The following STK3 variants were observed in gnomAD, a reference collection of about 807,000 sequenced individuals.
The protein encoded by STK3 is serine/threonine kinase 3.
STK3 carries 41 observed loss-of-function variants against 58.0 expected under a neutral mutation model. The ratio of observed to expected loss-of-function variants is 0.71; its 90% confidence interval spans 0.55 to 0.92. The LOEUF (loss-of-function observed/expected upper bound fraction) is 0.92. Among genes scored for constraint, STK3 ranks in the 40% least tolerant of loss-of-function variants. STK3 has a pLI of 0.00. For missense variants in STK3, 479 were observed against 602.7 expected, an observed-to-expected ratio of 0.79 and a Z score of 2.15; for synonymous variants, 170 against 191.0, an observed-to-expected ratio of 0.89 and a Z score of 0.91.
At chr8:98,426,303 C>T (rs1325650751) in intron 3 of STK3, among the ~76,000 whole-genome samples, 1 of 152,222 alleles carries the variant, frequency 6.6e-6, no homozygotes, top group Non-Finnish European at 1.5e-5. Flanking sequence ...TGTGCCGACG[C>T]ATCTTCCCAT....
At chr8:98,532,829 A>T (rs774670328) in intron 9 of STK3, among the ~76,000 whole-genome samples, 1 of 152,176 alleles carries the variant, frequency 6.6e-6, no homozygotes, top group Non-Finnish European at 1.5e-5. Flanking sequence ...CTTGTACCCA[A>T]TGAACAACTT....
chr8:98,920,304 A>T (rs1231163975), intron 1 of STK3, among the ~76,000 whole-genome samples: 1 of 152,168 alleles, frequency 6.6e-6, no homozygotes, highest in Non-Finnish European at 1.5e-5. Context: ...TCATGTGTAG[A>T]TAGATTTCTC....
At chr8:98,785,062 G>A (rs1832370730) in intron 1 of STK3, among the ~76,000 whole-genome samples, 1 of 152,250 alleles carries the variant, frequency 6.6e-6, no homozygotes, top group South Asian at 2.1e-4. Context: ...GTGCAGCAAG[G>A]CCCTTCCACT....
At chr8:98,387,851 C>G (rs1187557124) in intron 1 of STK3, among the ~76,000 whole-genome samples, 1 of 151,030 alleles carries the variant, frequency 6.6e-6, no homozygotes, top group Non-Finnish European at 1.5e-5. Flanking sequence ...GAAAAAGAAA[C>G]CAGAGCTCTT....
At chr8:98,737,254 T>C (rs1373300876) in intron 4 of STK3, among the ~76,000 whole-genome samples, 1 of 152,176 alleles carries the variant, frequency 6.6e-6, no homozygotes, top group Admixed American at 6.5e-5. Flanking sequence ...TCAAGGGCTC[T>C]ACCTGACATA....
rs1045136966 is a variant in STK3 at position 98,743,109 on chromosome 8, T to A, written c.351+6167A>T. Among the ~76,000 whole-genome samples, 3 of 152,124 alleles carry A rather than the reference T, an allele frequency of 2.0e-5. No individual in the cohort carries two copies. In the South Asian group the frequency reaches 6.2e-4, roughly 32 times the overall value. On this transcript the variant is annotated intron_variant, in intron 4 of 10. Transcript: ENST00000419617. ...TACAAAGAAATGGAAGAACATTCCA[T>A]GCTCATGGGTAGGAAGAATCAATAT...
chr8:98,615,038 C>G (rs1563806026), intron 6 of STK3, among the ~76,000 whole-genome samples: 1 of 152,070 alleles, frequency 6.6e-6, no homozygotes, highest in Non-Finnish European at 1.5e-5. Context: ...ACAGCAGTAA[C>G]CTCTGCAGAC....
At chr8:98,421,964 C>T (rs189213173) in intron 3 of STK3, among the ~76,000 whole-genome samples, 6 of 152,184 alleles carry the variant, frequency 3.9e-5, no homozygotes. Flanking sequence ...CAGGTGTGGG[C>T]CCTGTGCAGG....
At chr8:98,461,136 T>G (rs1819938320) in intron 10 of STK3, among the ~76,000 whole-genome samples, 1 of 152,192 alleles carries the variant, frequency 6.6e-6, no homozygotes, top group South Asian at 2.1e-4. Flanking sequence ...TTCTTAGATT[T>G]AAGAGTAATT....
At chr8:98,614,726 C>T (rs1316888427) in intron 6 of STK3, among the ~76,000 whole-genome samples, 1 of 152,244 alleles carries the variant, frequency 6.6e-6, no homozygotes, top group African/African-American at 2.4e-5. Flanking sequence ...GGGTCACTCT[C>T]ACCCGAATAC....
intron 1 of STK3, among the ~76,000 whole-genome samples, chr8:98,446,622 G>A (rs1215377554): frequency 6.6e-6 from 1 of 152,186 alleles, no homozygotes; most frequent in Non-Finnish European, 1.5e-5. Context: ...ATGCTGGTGA[G>A]GTTGCGGAGA....
rs1477019079 is a variant in STK3 at position 98,769,571 on chromosome 8, C to A, written c.108-2200G>T. On this transcript the variant is annotated intron_variant, in intron 2 of 10. Transcript: ENST00000419617. ...TTGCCCAGTCCCAGGTATGTCTTTA[C>A]CAACAGTGTGAAAACAGACTAATAC... Among the ~76,000 whole-genome samples the A allele has an allele frequency of 2.0e-5, 3 of 152,180 alleles. No homozygotes were observed. In the East Asian group the frequency reaches 5.8e-4, roughly 29 times the overall value.
chr8:98,825,461 C>T (rs1171618190), intron 1 of STK3, 54 bp downstream of exon 1: 3 of 1,431,242 alleles, frequency 2.1e-6, no homozygotes, highest in Non-Finnish European at 2.8e-6. Flanking sequence ...GCCACCCCCG[C>T]CCCGCGGCCG....
In STK3 at chr8:98,630,640, AAGAAGGAGAAGG is replaced by A. The variant is rs145562039; in HGVS notation, c.685-34483_685-34472del. Among the ~76,000 whole-genome samples, 21 of 150,150 alleles carry A rather than the reference AAGAAGGAGAAGG, an allele frequency of 1.4e-4. No individual in the cohort carries two copies. The South Asian group carries it at 1.9e-3, about 14-fold the overall frequency. On this transcript the variant is annotated intron_variant, in intron 6 of 10. Transcript: ENST00000419617. ...CCTGGGTGACAGAGAGGAACAGAAG[AAGAAGGAGAAGG>A]AGAAGGAGAAGGAGAAGGAGGAGAA...
At chr8:98,359,754 G>C in the STK3 span, among the ~76,000 whole-genome samples, 1 of 152,150 alleles carries the variant, frequency 6.6e-6, no homozygotes, top group African/African-American at 2.4e-5. Flanking sequence ...CCAAATCTTT[G>C]ATATAAGTCA....
rs543878482 is a variant in STK3 at position 98,743,730 on chromosome 8, C to T, written c.351+5546G>A. ...CAATGGCAACAAAAGCCAAAATTGA[C>T]AAATGGGATCTAATTAAACTAAAGA... On this transcript the variant is annotated intron_variant, in intron 4 of 10. Coordinates refer to ENST00000419617, the MANE Select transcript of STK3 (RefSeq NM_006281.4). Among the ~76,000 whole-genome samples, 662 of 151,890 alleles carry T rather than the reference C, an allele frequency of 4.4e-3. 5 individuals are homozygous for T. The highest frequency in any genetic ancestry group is 7.7e-3 in the Non-Finnish European group (523 of 67,864).
intron 6 of STK3, among the ~76,000 whole-genome samples, chr8:98,667,036 C>A (rs1822419597): frequency 6.6e-6 from 1 of 151,964 alleles, no homozygotes; most frequent in South Asian, 2.1e-4. Flanking sequence ...CATAGCTTTC[C>A]AAAACAACTG....
upstream of STK3, among the ~76,000 whole-genome samples, chr8:98,390,020 C>T (rs1214267290): frequency 6.6e-6 from 1 of 151,972 alleles, no homozygotes; most frequent in East Asian, 1.9e-4. Flanking sequence ...TAACATGTGC[C>T]CTTGGAGTAC....
At chr8:98,482,396 T>A (rs1821918479) in intron 10 of STK3, among the ~76,000 whole-genome samples, 1 of 152,218 alleles carries the variant, frequency 6.6e-6, no homozygotes, top group South Asian at 2.1e-4. Context: ...CAAATGTTTT[T>A]ATGGATCTTC....
Sources: gnomAD v4.1 joint callset for allele counts (sites outside exome capture counted in the v4.1 genomes callset) on GRCh38, gnomAD v4.1.1 for gene constraint, MANE v1.5 for transcripts, NCBI Gene and HGNC (gene_info 2026-07-23, HGNC 2026-07-21) for gene names.